The following AP3B2 variants were observed in gnomAD, a reference collection of about 807,000 sequenced individuals.
The protein encoded by AP3B2 is adaptor related protein complex 3 subunit beta 2, also known as AP-3 complex subunit beta-2.
In AP3B2, 50 loss-of-function variants were observed where a neutral mutation model predicts 126.9. The observed-to-expected ratio is 0.39, with a 90% CI of 0.31 to 0.50. The LOEUF (loss-of-function observed/expected upper bound fraction) is 0.50, where lower values mean the gene tolerates loss of function less well. AP3B2 is among the 20% of genes least tolerant of loss of function. The pLI is 0.79. For missense variants in AP3B2, 1,177 were observed against 1,426.4 expected (o/e 0.83, Z 2.82); for synonymous variants, 541 against 565.0 (o/e 0.96, Z 0.60).
Position 82,666,850 on chromosome 15 carries a change from C to T in AP3B2, c.1749G>A (p.Arg583=). The change falls in exon 15 of 27, where the codon CGG becomes CGA. Residue 583 remains arginine (R), a synonymous_variant. Transcript: ENST00000535359. The part of the protein sequence containing the change: ...YDIRDRARFT[R]QLIVPSEQGG... ...CCTGCTCGGAAGGGACGATGAGCTGCCGGGTGAAGCGCGCCCGGTCGCGAA... is the reference window on the plus strand; with the variant it reads ...CCTGCTCGGAAGGGACGATGAGCTGTCGGGTGAAGCGCGCCCGGTCGCGAA... 3.1e-6 allele frequency: 5 copies of T among 1,614,008 alleles called. No homozygotes were observed. Among genetic ancestry groups the T allele is most frequent in the Non-Finnish European group, 4.2e-6 (5 of 1,179,886 alleles).
Position 82,659,566 on chromosome 15 carries a change from G to C in AP3B2, c.3300C>G (p.Thr1100=). 1 of 1,613,768 alleles carries C rather than the reference G, an allele frequency of 6.2e-7. No individual in the cohort carries two copies. Among genetic ancestry groups the C allele is most frequent in the Non-Finnish European group, 8.5e-7 (1 of 1,179,818 alleles). The change falls in exon 27 of 27, where the codon ACC becomes ACG. Residue 1100 remains threonine (T), a synonymous_variant. Transcript: ENST00000535359. ...MLVKDVIQAL[T]Q ...AGGTCACAGCATTTGGAAGTCACTG[G>C]GTCAGAGCCTGTATCACATCCTTTA...
chr15:82,663,098 A>G (rs779996121), intron 22 of AP3B2, 29 bp downstream of exon 22: 8 of 1,576,594 alleles, frequency 5.1e-6, no homozygotes, highest in Non-Finnish European at 6.9e-6. Context: ...TCCCTGCCCC[A>G]GCCCGGTCCC....
intron 14 of AP3B2, among the ~76,000 whole-genome samples, chr15:82,668,798 A>G (rs764355021): frequency 6.6e-6 from 1 of 151,966 alleles, no homozygotes; most frequent in Non-Finnish European, 1.5e-5. Context: ...CCTCTGAGAT[A>G]CACTCCAGTG....
rs550127967 is a variant in AP3B2 at position 82,705,170 on chromosome 15, C to A, written c.113+4424G>T. ...TAGGACACCTCTATTCCCTCCTTGG[C>A]GACTGATCATGCACCCCTTACCATC... is the stretch of plus-strand genomic sequence containing the variant. On this transcript the variant is annotated intron_variant, in intron 1 of 26. Coordinates refer to ENST00000535359, the MANE Select transcript of AP3B2 (RefSeq NM_001278512.2). Among the ~76,000 whole-genome samples, 6 of 152,166 alleles carry A rather than the reference C, an allele frequency of 3.9e-5. No individual in the cohort carries two copies. In the South Asian group the frequency reaches 1.2e-3, roughly 32 times the overall value.
At position 82,706,221 on chromosome 15, in the gene AP3B2, C is replaced by T. The variant is rs1433307456; in HGVS notation, c.113+3373G>A. Among the ~76,000 whole-genome samples, 6 of 152,278 alleles carry T rather than the reference C, an allele frequency of 3.9e-5. No individual in the cohort carries two copies. The Middle Eastern group carries it at 0.01, about 259-fold the overall frequency. The stretch of plus-strand genomic sequence containing the variant: ...TCCAAAATCTATTTTCTTCCTCACA[C>T]CTGACGCATATACTTTCTGCCCCCC... On this transcript the variant is annotated intron_variant, in intron 1 of 26. Transcript: ENST00000535359.
chr15:82,662,699 T>G lies in AP3B2; in HGVS notation c.2828A>C (p.Glu943Ala), dbSNP rs767163977. ...CCATCCAAAGCCCTTCGCACCAATT[T>G]CGGGAAATTCTTGGATGCTGATGCC... The part of the protein sequence containing the change: ...PAGISIQEFP[E>A]IESLAPGESA... Residue 943 changes from glutamate to alanine, a missense_variant, in exon 23 of 27, where the codon GAA becomes GCA. This residue lies in a region of AP3B2 where 587 missense variants were observed against 571.3 expected (regional missense o/e 1.03). Coordinates refer to ENST00000535359, the MANE Select transcript of AP3B2 (RefSeq NM_001278512.2). 6.2e-7 allele frequency: 1 copy of G among 1,612,298 alleles called. No individual in the cohort carries two copies. The highest frequency in any genetic ancestry group is 8.5e-7 in the Non-Finnish European group (1 of 1,179,170).
rs1374386507 is a variant in AP3B2 at position 82,692,092 on chromosome 15, CG to C, written c.114-2640del. 4 of 1,494,808 alleles carry C rather than the reference CG, an allele frequency of 2.7e-6. No individual in the cohort carries two copies. In the African/African-American group the frequency reaches 4.2e-5, roughly 16 times the overall value. The allele number at this position is 1,494,808 out of a possible 1,614,324, so 92.6% of individuals were successfully genotyped here. A position where few individuals can be genotyped will look rare whatever the true frequency, so the allele number is the denominator to read the frequency against. ...TGCAGAAGGCCCATTCCTCCCACCA[CG>C]GGGCCACCCACCCCGACTTCGTAAG... On this transcript the variant is annotated intron_variant, in intron 1 of 26. Transcript: ENST00000535359.
intron 1 of AP3B2, among the ~76,000 whole-genome samples, chr15:82,693,903 G>C (rs763583847): frequency 1.3e-5 from 2 of 152,044 alleles, no homozygotes. Context: ...GTTTCTCCAT[G>C]TTGGTCAGGC....
chr15:82,679,562 C>G (rs924597670), intron 10 of AP3B2, among the ~76,000 whole-genome samples, 167 bp downstream of exon 10: 1 of 152,172 alleles, frequency 6.6e-6, no homozygotes, highest in African/African-American at 2.4e-5. Context: ...CCCCCTGACC[C>G]TCCTTAGCCC....
intron 1 of AP3B2, among the ~76,000 whole-genome samples, chr15:82,691,109 CT>C (rs1302464912): frequency 6.6e-6 from 1 of 152,182 alleles, no homozygotes; most frequent in African/African-American, 2.4e-5. Context: ...ATTTACAATC[CT>C]TTGGGTATAT....
At chr15:82,662,067 C>T (rs531507672) in intron 24 of AP3B2, 101 bp downstream of exon 24, 1 of 1,333,468 alleles carries the variant, frequency 7.5e-7, no homozygotes, top group Non-Finnish European at 1.1e-6. Flanking sequence ...CCCACCCAAT[C>T]ATGATGTATC....
At chr15:82,694,149 G>A (rs1040069789) in intron 1 of AP3B2, among the ~76,000 whole-genome samples, 12 of 151,946 alleles carry the variant, frequency 7.9e-5, no homozygotes, top group African/African-American at 2.9e-4. Flanking sequence ...GATTACAGGT[G>A]TGCACCACCA....
intron 14 of AP3B2, among the ~76,000 whole-genome samples, chr15:82,673,070 C>A (rs1438082797): frequency 6.6e-6 from 1 of 152,196 alleles, no homozygotes; most frequent in Non-Finnish European, 1.5e-5. Flanking sequence ...CTAAGCCATA[C>A]CTGAATTCTC....
chr15:82,668,616 C>A (rs1370046676), intron 14 of AP3B2, among the ~76,000 whole-genome samples: 1 of 152,196 alleles, frequency 6.6e-6, no homozygotes, highest in African/African-American at 2.4e-5. Flanking sequence ...ACAACCAACA[C>A]AGGAAGGGGC....
In AP3B2 at chr15:82,709,756, C is replaced by G; in HGVS notation, c.-50G>C. On this transcript the variant is annotated 5_prime_UTR_variant, in exon 1 of 27. Coordinates refer to ENST00000535359, the MANE Select transcript of AP3B2 (RefSeq NM_001278512.2). ...AGGAGGAGGTTGCGGGGCCGGAGGC[C>G]GGCTGGAGCGGAGGAAGGGAAGGCG... The G allele has an allele frequency of 7.2e-7, 1 of 1,389,840 alleles. No homozygotes were observed. The highest frequency in any genetic ancestry group is 1.4e-5 in the South Asian group (1 of 70,704). The allele number at this position is 1,389,840 out of a possible 1,614,324, so 86.1% of individuals were successfully genotyped here. A position where few individuals can be genotyped will look rare whatever the true frequency, so the allele number is the denominator to read the frequency against.
chr15:82,682,537 C>T (rs1444624520), intron 4 of AP3B2, among the ~76,000 whole-genome samples: 1 of 152,158 alleles, frequency 6.6e-6, no homozygotes, highest in African/African-American at 2.4e-5. Flanking sequence ...AAGCAAATAT[C>T]GCACTAAAAC....
rs866959294 is a variant in AP3B2, at chr15:82,663,835, T to C, written c.2402A>G (p.Glu801Gly). 1.2e-6 allele frequency: 2 copies of C among 1,613,830 alleles called. No individual in the cohort carries two copies. The highest frequency in any genetic ancestry group is 2.7e-5 in the African/African-American group (2 of 75,044). ...ESEMTSESEE[E>G]QLEPASWSRK... ...GCTCCAGGAGGCAGGTTCTAACTGC[T>C]CCTCCTCGGACTCCGATGTCATCTC... The change falls in exon 20 of 27, where the codon GAG becomes GGG. Residue 801 changes from glutamate (E) to glycine (G), a missense_variant. Physicochemically the swap from Glu to Gly is moderately conservative, Grantham distance 98. Coordinates refer to ENST00000535359, the MANE Select transcript of AP3B2 (RefSeq NM_001278512.2).
At chr15:82,671,734 ACCAT>A (rs2048162743) in intron 14 of AP3B2, among the ~76,000 whole-genome samples, 1 of 132,396 alleles carries the variant, frequency 7.6e-6, no homozygotes, top group African/African-American at 2.8e-5. Context: ...AGAGTGAAAC[ACCAT>A]CTCAAAAAAA....
chr15:82,685,717 C>T (rs574118789), intron 4 of AP3B2: 3 of 152,152 alleles, frequency 2.0e-5, no homozygotes, highest in South Asian at 2.1e-4. Context: ...GTAACTAGGC[C>T]GGTGGATATT....
Sources: allele counts gnomAD v4.1 joint callset (sites outside exome capture counted in the v4.1 genomes callset), GRCh38; gene constraint gnomAD v4.1.1; regional missense constraint gnomAD v4.1.1; transcripts MANE v1.5; gene names NCBI Gene and HGNC (gene_info 2026-07-23, HGNC 2026-07-21).